The following FARP1 variants were observed in gnomAD, a reference collection of about 807,000 sequenced individuals.
The protein encoded by FARP1 is FERM, ARHGEF and pleckstrin domain-containing protein 1.
Under a neutral mutation model 128.8 loss-of-function variants are expected in FARP1, and 52 were observed. The observed-to-expected ratio is 0.40, with a 90% confidence interval of 0.32 to 0.51. The LOEUF (loss-of-function observed/expected upper bound fraction) is 0.51, where lower values mean the gene tolerates loss of function less well. FARP1 is among the 20% of genes least tolerant of loss of function. FARP1 has a pLI of 0.45. For missense variants in FARP1, 1,333 were observed against 1,367.9 expected (o/e 0.97, Z 0.40); for synonymous variants, 580 against 551.8 (o/e 1.05, Z -0.72).
intron 17 of FARP1, 74 bp downstream of exon 17, chr13:98,424,724 G>A: frequency 3.9e-6 from 4 of 1,015,456 alleles, no homozygotes; most frequent in South Asian, 1.3e-5. Flanking sequence ...GGCATAGGCT[G>A]TAAGCCATTT....
At chr13:98,314,349 G>A (rs564370379) in intron 2 of FARP1, among the ~76,000 whole-genome samples, 9 of 141,114 alleles carry the variant, frequency 6.4e-5, no homozygotes, top group South Asian at 2.3e-4. Flanking sequence ...GCGCAATCTC[G>A]GCTCACTGCA....
chr13:98,252,289 T>C (rs763744473), intron 2 of FARP1, among the ~76,000 whole-genome samples: 3 of 152,230 alleles, frequency 2.0e-5, no homozygotes, highest in Non-Finnish European at 4.4e-5. Context: ...GACTATTCAA[T>C]GTGAGACTCA....
chr13:98,190,735 T>A (rs946486894), intron 1 of FARP1, among the ~76,000 whole-genome samples: 2 of 24,520 alleles, frequency 8.2e-5, no homozygotes, highest in Admixed American at 5.2e-4. Context: ...CTTTTTAAGT[T>A]TTTTTTTTTT....
At chr13:98,424,251 C>T (rs1337619940) in intron 16 of FARP1, among the ~76,000 whole-genome samples, 4 of 152,140 alleles carry the variant, frequency 2.6e-5, no homozygotes, top group Admixed American at 6.5e-5. Flanking sequence ...CTAAAATCAC[C>T]CAAGTGTGGA....
chr13:98,447,016 C>T, intron 26 of FARP1, 199 bp downstream of exon 26: 1 of 579,300 alleles, frequency 1.7e-6, no homozygotes, highest in South Asian at 2.0e-5. Context: ...CTTCCCTGCG[C>T]CCTTACCCTG....
chr13:98,295,030 T>TTATA (rs202091098), intron 2 of FARP1, among the ~76,000 whole-genome samples: 194 of 87,688 alleles, frequency 2.2e-3, no homozygotes, highest in Non-Finnish European at 3.9e-3. Flanking sequence ...AAAAAAAAAA[T>TTATA]TATATATATA....
chr13:98,358,917 G>A (rs1160097165), intron 3 of FARP1, among the ~76,000 whole-genome samples: 4 of 152,152 alleles, frequency 2.6e-5, no homozygotes, highest in East Asian at 1.9e-4. Flanking sequence ...AATTACAGAC[G>A]TGAGGCACCG....
chr13:98,177,183 G>T, intron 1 of FARP1: 1 of 1,600,914 alleles, frequency 6.2e-7, no homozygotes, highest in Non-Finnish European at 8.5e-7. Context: ...AGAGGAAGGT[G>T]CATACCTGGT....
intron 6 of FARP1, among the ~76,000 whole-genome samples, chr13:98,381,202 A>G (rs1889876160): frequency 6.6e-6 from 1 of 152,250 alleles, no homozygotes; most frequent in Non-Finnish European, 1.5e-5. Flanking sequence ...TGCATTTTTA[A>G]GTATCCCATG....
At chr13:98,320,406 G>A (rs954178052) in intron 2 of FARP1, among the ~76,000 whole-genome samples, 1 of 152,168 alleles carries the variant, frequency 6.6e-6, no homozygotes, top group Non-Finnish European at 1.5e-5. Flanking sequence ...TAACACCTGT[G>A]CCTGTCCTCA....
At chr13:98,446,546 C>T in intron 25 of FARP1, 120 bp from the exon 26 acceptor site, 1 of 1,027,932 alleles carries the variant, frequency 9.7e-7, no homozygotes, top group East Asian at 2.4e-5. Context: ...CCCTTCCAGG[C>T]CCACGCCCGA....
chr13:98,301,873 G>T (rs1324528254), intron 2 of FARP1, among the ~76,000 whole-genome samples: 1 of 152,188 alleles, frequency 6.6e-6, no homozygotes, highest in Non-Finnish European at 1.5e-5. Flanking sequence ...GCCAGGGCAT[G>T]GAGGATGCGT....
At chr13:98,208,802 C>G (rs143371542) in intron 1 of FARP1, among the ~76,000 whole-genome samples, 1 of 152,264 alleles carries the variant, frequency 6.6e-6, no homozygotes, top group Non-Finnish European at 1.5e-5. Context: ...TTCTGATTTG[C>G]TGACCTCAGG....
Position 98,453,053 on chromosome 13 carries a change from G to C in FARP1, c.*4736G>C. On this transcript the variant is annotated 3_prime_UTR_variant, in exon 27 of 27. Transcript: ENST00000319562. ...TCCCTGGACGGGCGCCTGGCGCTGGGGTGGCTCCCAGTGGCGCACCTCTTC... is the reference window on the plus strand; with the variant it reads ...TCCCTGGACGGGCGCCTGGCGCTGGCGTGGCTCCCAGTGGCGCACCTCTTC... The C allele has an allele frequency of 1.7e-6, 2 of 1,155,298 alleles. No individual in the cohort carries two copies. The highest frequency in any genetic ancestry group is 1.4e-5 in the South Asian group (1 of 73,112). 71.6% of individuals were successfully genotyped at this position (1,155,298 alleles called of 1,614,324 possible). A position where few individuals can be genotyped will look rare whatever the true frequency, so the allele number is the denominator to read the frequency against.
intron 5 of FARP1, among the ~76,000 whole-genome samples, chr13:98,376,321 T>G (rs1244779201): frequency 6.6e-6 from 1 of 152,198 alleles, no homozygotes; most frequent in Non-Finnish European, 1.5e-5. Context: ...TCTCTTTCCA[T>G]GAGTTCAATT....
chr13:98,282,912 A>T (rs2139631556), intron 2 of FARP1, among the ~76,000 whole-genome samples: 1 of 152,314 alleles, frequency 6.6e-6, no homozygotes, highest in Admixed American at 6.5e-5. Context: ...AAAAAAATAA[A>T]AAAAAATAAA....
chr13:98,391,164 GA>G (rs1184522141), intron 11 of FARP1, among the ~76,000 whole-genome samples: 1 of 152,160 alleles, frequency 6.6e-6, no homozygotes, highest in East Asian at 1.9e-4. Flanking sequence ...CACAGTGGGG[GA>G]TGAAGCATGA....
chr13:98,306,598 T>G (rs1204154738), intron 2 of FARP1, among the ~76,000 whole-genome samples: 3 of 152,092 alleles, frequency 2.0e-5, no homozygotes, highest in Admixed American at 6.6e-5. Context: ...CGCTGCAGCC[T>G]CGAACTCCTG....
In FARP1 at chr13:98,318,038, T is replaced by C. The variant is rs1886806032; in HGVS notation, c.172-25724T>C. The stretch of plus-strand genomic sequence containing the variant: ...TCATCTCCTTCTTCCTCCTCCTCCC[T>C]CTTCATCTCCTTCCTTCCTTCTCCT... On this transcript the variant is annotated intron_variant, in intron 2 of 26. Transcript: ENST00000319562. Among the ~76,000 whole-genome samples, 3 of 144,962 alleles carry C rather than the reference T, an allele frequency of 2.1e-5. No homozygotes were observed. In the Admixed American group the frequency reaches 2.1e-4, roughly 10 times the overall value.
Sources: allele counts gnomAD v4.1 joint callset (sites outside exome capture counted in the v4.1 genomes callset), GRCh38; gene constraint gnomAD v4.1.1; transcripts MANE v1.5; gene names NCBI Gene and HGNC (gene_info 2026-07-23, HGNC 2026-07-21).